Variants in DNAAF9 observed in about 807,000 individuals in gnomAD.
The protein encoded by DNAAF9 is shulin.
Under a neutral mutation model 167.0 loss-of-function variants are expected in DNAAF9, and 90 were observed. That is an observed-to-expected ratio of 0.54 (90% CI 0.45 to 0.64). The LOEUF (loss-of-function observed/expected upper bound fraction) is 0.64, where lower values mean the gene tolerates loss of function less well. Among genes scored for constraint, DNAAF9 ranks in the 30% least tolerant of loss-of-function variants. The pLI is 0.00. For missense variants in DNAAF9, 1,315 were observed against 1,442.2 expected (o/e 0.91, Z 1.43); for synonymous variants, 491 against 508.8 (o/e 0.96, Z 0.47).
intron 8 of DNAAF9, among the ~76,000 whole-genome samples, chr20:3,347,363 T>C (rs2070212422): frequency 6.6e-6 from 1 of 152,122 alleles, no homozygotes; most frequent in Non-Finnish European, 1.5e-5. Context: ...TGCAAGAATT[T>C]ATCATCAGAA....
Position 3,332,900 on chromosome 20 carries a change from G to GTGTGTGTGT in DNAAF9, c.982-540_982-539insACACACACA, listed in dbSNP as rs1376871054. ...CATGCGTGTGTGCGTGTGTGCGTGTGGTGTGTGTGTGTGTGTGTGTGTGTG... is the reference window on the plus strand; with the variant it reads ...CATGCGTGTGTGCGTGTGTGCGTGTGTGTGTGTGTGTGTGTGTGTGTGTGTGTGTGTGTG... On this transcript the variant is annotated intron_variant, in intron 10 of 36. Coordinates refer to ENST00000252032, the MANE Select transcript of DNAAF9 (RefSeq NM_001009984.3). Among the ~76,000 whole-genome samples the GTGTGTGTGT allele has an allele frequency of 6.0e-4, 88 of 146,936 alleles. 2 individuals are homozygous for GTGTGTGTGT. Among genetic ancestry groups the GTGTGTGTGT allele is most frequent in the African/African-American group, 1.8e-3 (70 of 39,884 alleles).
rs1437470572 is a variant in DNAAF9 at position 3,326,248 on chromosome 20, C to T, written c.1137G>A (p.Glu379=). 1.2e-6 allele frequency: 2 copies of T among 1,613,698 alleles called. No homozygotes were observed. Among genetic ancestry groups the T allele is most frequent in the East Asian group, 2.2e-5 (1 of 44,858 alleles). Residue 379 remains glutamate (E), a synonymous_variant, in exon 13 of 37, where the codon GAG becomes GAA. Coordinates refer to ENST00000252032, the MANE Select transcript of DNAAF9 (RefSeq NM_001009984.3). Reference sequence around the variant, plus strand: ...AACATGCAATGCCAGCCAAAACAGCCTCAATAACAGCAGCATATATCTGGG... The same window carrying T: ...AACATGCAATGCCAGCCAAAACAGCTTCAATAACAGCAGCATATATCTGGG... ...LLSQIYAAVI[E]AVLAGIACYA... is the part of the protein sequence containing the mutation.
chr20:3,256,936 G>A (rs528528927), intron 33 of DNAAF9, among the ~76,000 whole-genome samples: 2 of 152,290 alleles, frequency 1.3e-5, no homozygotes, highest in African/African-American at 4.8e-5. Flanking sequence ...GGAGGCTGGG[G>A]TGGGCAGTGA....
intron 27 of DNAAF9, 147 bp downstream of exon 27, chr20:3,287,485 T>C (rs1418686047): frequency 3.9e-6 from 3 of 763,456 alleles, no homozygotes; most frequent in South Asian, 1.6e-5. Context: ...AATAGGGTCA[T>C]TGCTCGCTTA....
At chr20:3,322,132 A>G in intron 16 of DNAAF9, 85 bp downstream of exon 16, 2 of 930,748 alleles carry the variant, frequency 2.1e-6, no homozygotes, top group Non-Finnish European at 3.5e-6. Flanking sequence ...GCTGCCCAAG[A>G]CCCCCACCCA....
chr20:3,292,727 C>T (rs1193148085), intron 25 of DNAAF9, among the ~76,000 whole-genome samples: 1 of 149,078 alleles, frequency 6.7e-6, no homozygotes, highest in African/African-American at 2.5e-5. Context: ...GATCGGGCCC[C>T]TGCACCCTAG....
At chr20:3,259,828 T>C (rs533656658) in intron 32 of DNAAF9, 94 bp downstream of exon 32, 2 of 774,242 alleles carry the variant, frequency 2.6e-6, no homozygotes, top group African/African-American at 3.5e-5. Context: ...TAAGAAGACA[T>C]ACAGCACATA....
In DNAAF9 at chr20:3,318,419, C is replaced by G. The variant is rs1314137684; in HGVS notation, c.1357-19G>C. The G allele has an allele frequency of 3.3e-6, 4 of 1,207,038 alleles. No homozygotes were observed. Among genetic ancestry groups the G allele is most frequent in the South Asian group, 1.2e-5 (1 of 82,198 alleles). The allele number at this position is 1,207,038 out of a possible 1,614,324, so 74.8% of individuals were successfully genotyped here. On this transcript the variant is annotated intron_variant, in intron 16 of 36. Transcript: ENST00000252032. ...TACAAGCCTGCATTGAATGAGAAACCAGTTAGATCAGTTACCAGCCCAAAA... is the reference window on the plus strand; with the variant it reads ...TACAAGCCTGCATTGAATGAGAAACGAGTTAGATCAGTTACCAGCCCAAAA...
At chr20:3,354,739 C>CTTTATTAT (rs369618154) in intron 7 of DNAAF9, among the ~76,000 whole-genome samples, 1 of 152,314 alleles carries the variant, frequency 6.6e-6, no homozygotes, top group African/African-American at 2.4e-5. Context: ...TGTCACCTTA[C>CTTTATTAT]TTTATTATTT....
At chr20:3,253,093 G>A (rs2122717165) in intron 36 of DNAAF9, among the ~76,000 whole-genome samples, 1 of 152,334 alleles carries the variant, frequency 6.6e-6, no homozygotes, top group Non-Finnish European at 1.5e-5. Flanking sequence ...GGAGGCTGAG[G>A]TAGATGGATC....
At chr20:3,359,423 A>G in intron 7 of DNAAF9, 93 bp downstream of exon 7, 1 of 860,206 alleles carries the variant, frequency 1.2e-6, no homozygotes, top group Non-Finnish European at 1.9e-6. Flanking sequence ...GCAAACTAAA[A>G]TATCCTTTGC....
rs2069683539 is a variant in DNAAF9, at chr20:3,324,897, G to A, written c.1260C>T (p.Ala420=). The change falls in exon 14 of 37, where the codon GCC becomes GCT. Residue 420 remains alanine (A), a synonymous_variant. Coordinates refer to ENST00000252032, the MANE Select transcript of DNAAF9 (RefSeq NM_001009984.3). ...AAATATCAGCCATTGCTTACCGCAG[G>A]GCTGCCTTAAACGGAATCAACTCAA... ...DSFELIPFKA[A]LRSKMTFHIH... The A allele has an allele frequency of 2.5e-6, 4 of 1,580,104 alleles. No individual in the cohort carries two copies. The highest frequency in any genetic ancestry group is 1.7e-5 in the Admixed American group (1 of 59,780).
chr20:3,282,955 T>C (rs907651040), intron 27 of DNAAF9, among the ~76,000 whole-genome samples: 3 of 152,168 alleles, frequency 2.0e-5, no homozygotes, highest in Non-Finnish European at 4.4e-5. Flanking sequence ...AATCGGCAGC[T>C]ATTTATACCC....
chr20:3,348,530 C>T lies in DNAAF9; in HGVS notation c.784G>A (p.Gly262Ser), dbSNP rs761171075. 5.1e-6 allele frequency: 8 copies of T among 1,580,300 alleles called. No individual in the cohort carries two copies. The highest frequency in any genetic ancestry group is 6.9e-6 in the Non-Finnish European group (8 of 1,155,332). Reference protein sequence around the residue: ...FLLELSESQAGEPFRSYFSHG... With the variant: ...FLLELSESQASEPFRSYFSHG... ...TTGACCCTTCCCTTACATACCTCACCCGCCTGAGATTCTGAAAGTTCTAGC... is the reference window on the plus strand; with the variant it reads ...TTGACCCTTCCCTTACATACCTCACTCGCCTGAGATTCTGAAAGTTCTAGC... The change falls in exon 8 of 37, where the codon GGT becomes AGT. Residue 262 changes from glycine to serine, a missense_variant. Transcript: ENST00000252032.
At chr20:3,374,220 C>T in intron 5 of DNAAF9, 66 bp from the exon 6 acceptor site, 1 of 1,098,122 alleles carries the variant, frequency 9.1e-7, no homozygotes, top group East Asian at 2.4e-5. Context: ...TAAACCTGAC[C>T]TAACATGGTT....
chr20:3,397,323 G>GT (rs1555800885), intron 1 of DNAAF9, among the ~76,000 whole-genome samples: 2 of 150,568 alleles, frequency 1.3e-5, no homozygotes, highest in Non-Finnish European at 3.0e-5. Context: ...GTTTTGTTTT[G>GT]TTTTTTGTTT....
intron 7 of DNAAF9, among the ~76,000 whole-genome samples, chr20:3,357,192 C>G (rs2079604671): frequency 6.6e-6 from 1 of 152,084 alleles, no homozygotes; most frequent in Admixed American, 6.6e-5. Context: ...ATTAGTGAGG[C>G]CAGGTGTGGT....
chr20:3,335,348 T>A (rs915602613), intron 10 of DNAAF9, among the ~76,000 whole-genome samples: 2 of 152,214 alleles, frequency 1.3e-5, no homozygotes, highest in Non-Finnish European at 2.9e-5. Context: ...AGAAGGATAT[T>A]TTTGTTAGAT....
At chr20:3,386,929 A>C (rs2083749037) in intron 1 of DNAAF9, among the ~76,000 whole-genome samples, 1 of 152,212 alleles carries the variant, frequency 6.6e-6, no homozygotes, top group South Asian at 2.1e-4. Context: ...CCTCTATTAG[A>C]ATGGATAAAA....
Sources: gnomAD v4.1 joint callset for allele counts (sites outside exome capture counted in the v4.1 genomes callset) on GRCh38, gnomAD v4.1.1 for gene constraint, MANE v1.5 for transcripts, NCBI Gene and HGNC (gene_info 2026-07-23, HGNC 2026-07-21) for gene names.